VWA8: variants seen among roughly 807,000 people sequenced by gnomAD.
VWA8 encodes von Willebrand factor A domain containing 8, also known as von Willebrand factor A domain-containing protein 8.
In VWA8, 221 loss-of-function variants were observed where a neutral mutation model predicts 241.5. That is an observed-to-expected ratio of 0.91 (90% CI 0.82 to 1.02). The LOEUF is 1.02. Ranked by LOEUF, VWA8 falls within the 50% of genes least tolerant of loss-of-function variation. VWA8 has a pLI of 0.00. For synonymous variants in VWA8, 852 were observed against 827.1 expected, an observed-to-expected ratio of 1.03 and a Z score of -0.52; for missense variants, 2,322 against 2,328.7, an observed-to-expected ratio of 1.00 and a Z score of 0.06.
intron 2 of VWA8, among the ~76,000 whole-genome samples, chr13:41,946,697 G>A (rs1042249562): frequency 1.3e-5 from 2 of 151,696 alleles, no homozygotes; most frequent in Non-Finnish European, 2.9e-5. Context: ...GGCCAGAGTG[G>A]AAAGGACAGA....
At chr13:41,679,497 G>T (rs2045082960) in intron 35 of VWA8, among the ~76,000 whole-genome samples, 1 of 152,090 alleles carries the variant, frequency 6.6e-6, no homozygotes, top group African/African-American at 2.4e-5. Context: ...AAAAAACATT[G>T]TACTGCTTTC....
intron 12 of VWA8, among the ~76,000 whole-genome samples, chr13:41,864,148 A>AG (rs1201858732): frequency 6.6e-6 from 1 of 151,936 alleles, no homozygotes; most frequent in Non-Finnish European, 1.5e-5. Context: ...TTATAAAAAA[A>AG]AAAAAAAAAA....
intron 35 of VWA8, among the ~76,000 whole-genome samples, chr13:41,680,109 T>C (rs1010200299): frequency 6.6e-6 from 1 of 152,158 alleles, no homozygotes; most frequent in African/African-American, 2.4e-5. Flanking sequence ...ATTATAATTA[T>C]CTAAATGCTA....
chr13:41,887,505 A>G, intron 5 of VWA8, 144 bp from the exon 6 acceptor site: 1 of 904,674 alleles, frequency 1.1e-6, no homozygotes, highest in Non-Finnish European at 1.6e-6. Context: ...CAAGGAAGGC[A>G]GCAAAGTGAA....
intron 38 of VWA8, among the ~76,000 whole-genome samples, 196 bp from the exon 39 acceptor site, chr13:41,611,928 C>T (rs904126512): frequency 6.6e-5 from 10 of 152,176 alleles, no homozygotes; most frequent in Non-Finnish European, 2.9e-5. Flanking sequence ...CATTAAAATA[C>T]TACCTATATA....
At chr13:41,622,014 T>C (rs1239924710) in intron 37 of VWA8, among the ~76,000 whole-genome samples, 1 of 152,152 alleles carries the variant, frequency 6.6e-6, no homozygotes, top group African/African-American at 2.4e-5. Flanking sequence ...CCAAAACCTG[T>C]TATGTTCCAG....
At chr13:41,571,477 T>C (rs1052392498) in intron 43 of VWA8, among the ~76,000 whole-genome samples, 3 of 152,104 alleles carry the variant, frequency 2.0e-5, no homozygotes, top group African/African-American at 7.2e-5. Context: ...GCCTGCAGAG[T>C]GCCTGGGATT....
intron 4 of VWA8, among the ~76,000 whole-genome samples, chr13:41,896,052 A>C (rs1480622527): frequency 1.3e-5 from 2 of 152,146 alleles, no homozygotes; most frequent in Non-Finnish European, 2.9e-5. Context: ...TTAGGAATAC[A>C]AAGAACCATG....
intron 40 of VWA8, 64 bp downstream of exon 40, chr13:41,605,104 G>A: frequency 6.6e-7 from 1 of 1,510,772 alleles, no homozygotes; most frequent in Admixed American, 1.9e-5. Context: ...TTTTCTCCAA[G>A]ACTTTAGGAA....
At position 41,882,325 on chromosome 13, in the gene VWA8, C is replaced by G. The variant is rs1435570893; in HGVS notation, c.1080+1062G>C. ...GACGCTCCTCACTTTCCAGACTGGG[C>G]AGCCAGGCAGAGGGGCTCCTCACGT... On this transcript the variant is annotated intron_variant, in intron 9 of 44. Coordinates refer to ENST00000379310, the MANE Select transcript of VWA8 (RefSeq NM_015058.2). Among the ~76,000 whole-genome samples, 25 of 149,336 alleles carry G rather than the reference C, an allele frequency of 1.7e-4. 1 individual carries two copies. Among genetic ancestry groups the G allele is most frequent in the Admixed American group, 1.5e-3 (22 of 15,088 alleles).
chr13:41,693,608 C>T lies in VWA8; in HGVS notation c.3565-636G>A, dbSNP rs9590626. Among the ~76,000 whole-genome samples the T allele has an allele frequency of 8.6e-3, 1,303 of 152,114 alleles. 25 individuals are homozygous for T. The highest frequency in any genetic ancestry group is 0.03 in the African/African-American group (1,230 of 41,544). Reference sequence around the variant, plus strand: ...AACTGGTGCTGTAATAAAGTACAAACAACAGATTTCTGCAGCATTATTAAT... The same window carrying T: ...AACTGGTGCTGTAATAAAGTACAAATAACAGATTTCTGCAGCATTATTAAT... On this transcript the variant is annotated intron_variant, in intron 29 of 44. Transcript: ENST00000379310.
intron 9 of VWA8, among the ~76,000 whole-genome samples, chr13:41,881,675 GC>G (rs1409484657): frequency 6.7e-6 from 1 of 150,076 alleles, no homozygotes; most frequent in Non-Finnish European, 1.5e-5. Context: ...AGTAGGGGCG[GC>G]CGGGCAGAGG....
chr13:41,952,864 C>T (rs1326745996), intron 1 of VWA8, among the ~76,000 whole-genome samples: 4 of 151,834 alleles, frequency 2.6e-5, no homozygotes, highest in South Asian at 2.1e-4. Flanking sequence ...GCAGAGTTTA[C>T]GGAAACCAAA....
At chr13:41,592,433 A>G (rs1002321763) in intron 40 of VWA8, among the ~76,000 whole-genome samples, 2 of 150,986 alleles carry the variant, frequency 1.3e-5, no homozygotes, top group African/African-American at 4.9e-5. Flanking sequence ...TAACCTGCAC[A>G]ATGTGCACAT....
intron 40 of VWA8, among the ~76,000 whole-genome samples, chr13:41,604,602 C>T (rs2044541506): frequency 6.6e-6 from 1 of 152,098 alleles, no homozygotes; most frequent in South Asian, 2.1e-4. Flanking sequence ...AGGCAATCAC[C>T]TTGAAATACT....
At chr13:41,619,655 GTTTATTGAGAGTT>G (rs2044644187) in intron 37 of VWA8, among the ~76,000 whole-genome samples, 1 of 152,136 alleles carries the variant, frequency 6.6e-6, no homozygotes, top group Admixed American at 6.6e-5. Flanking sequence ...TCAATATCTA[GTTTATTGAGAGTT>G]TTTAGCATGA....
chr13:41,828,333 G>A (rs1456684680), intron 14 of VWA8, among the ~76,000 whole-genome samples: 1 of 152,168 alleles, frequency 6.6e-6, no homozygotes. Flanking sequence ...AACCCTTTGA[G>A]TGGTGATACA....
chr13:41,799,393 T>G (rs575571042), intron 17 of VWA8, among the ~76,000 whole-genome samples: 1 of 152,316 alleles, frequency 6.6e-6, no homozygotes, highest in South Asian at 2.1e-4. Flanking sequence ...GGCATCAACA[T>G]GGACCCTCAC....
intron 37 of VWA8, among the ~76,000 whole-genome samples, chr13:41,618,808 C>T (rs185499613): frequency 2.0e-5 from 3 of 152,128 alleles, no homozygotes; most frequent in East Asian, 3.9e-4. Context: ...ATTTCTGAGG[C>T]CTCTGTTCTG....
Sources: gnomAD v4.1 joint callset for allele counts (sites outside exome capture counted in the v4.1 genomes callset) on GRCh38, gnomAD v4.1.1 for gene constraint, MANE v1.5 for transcripts, NCBI Gene and HGNC (gene_info 2026-07-23, HGNC 2026-07-21) for gene names.